DCAF1: variants seen among roughly 807,000 people sequenced by gnomAD.
DCAF1 encodes DDB1- and CUL4-associated factor 1.
A neutral mutation model predicts 128.0 loss-of-function variants in DCAF1; 15 were observed. The observed-to-expected ratio is 0.12, with a 90% CI of 0.08 to 0.18. The LOEUF is 0.18. Among genes scored for constraint, DCAF1 ranks in the 10% least tolerant of loss-of-function variants. The pLI is 1.00. For synonymous variants in DCAF1, 610 were observed against 603.0 expected (o/e 1.01, Z -0.17); for missense variants, 988 against 1,649.5 (o/e 0.60, Z 6.95).
intron 9 of DCAF1, among the ~76,000 whole-genome samples, chr3:51,439,588 C>A (rs558030798): frequency 6.6e-6 from 1 of 152,050 alleles, no homozygotes; most frequent in South Asian, 2.1e-4. Context: ...ATTACAGGTA[C>A]CTGCCATCAT....
intron 6 of DCAF1, among the ~76,000 whole-genome samples, chr3:51,455,623 G>T (rs1702811617): frequency 6.6e-6 from 1 of 151,904 alleles, no homozygotes; most frequent in Non-Finnish European, 1.5e-5. Flanking sequence ...AAAAGGCTGG[G>T]CGCGGTGGCT....
At chr3:51,436,434 T>C (rs781861255) in intron 9 of DCAF1, 1 of 520,128 alleles carries the variant, frequency 1.9e-6, no homozygotes, top group Non-Finnish European at 3.8e-6. Context: ...GAATACGGAA[T>C]TATGACACTG....
At chr3:51,395,936 G>A (rs930777087), downstream of DCAF1, 1 of 413,382 alleles carries the variant, frequency 2.4e-6, no homozygotes, top group South Asian at 1.3e-4. Flanking sequence ...ACAGCTGCCA[G>A]GTACCTAAGC....
At chr3:51,459,258 A>G (rs1553643823) in intron 6 of DCAF1, among the ~76,000 whole-genome samples, 1 of 152,214 alleles carries the variant, frequency 6.6e-6, no homozygotes, top group African/African-American at 2.4e-5. Flanking sequence ...ACGAACTACC[A>G]TCAGAGAATA....
At chr3:51,447,123 T>C (rs1553640433) in intron 6 of DCAF1, among the ~76,000 whole-genome samples, 1 of 151,826 alleles carries the variant, frequency 6.6e-6, no homozygotes, top group Non-Finnish European at 1.5e-5. Context: ...AGTCCTACTA[T>C]GGGCTGGGCA....
chr3:51,401,817 G>A (rs1239361629), intron 24 of DCAF1, among the ~76,000 whole-genome samples: 3 of 152,220 alleles, frequency 2.0e-5, no homozygotes, highest in Non-Finnish European at 4.4e-5. Context: ...TGTTTCCCAT[G>A]TCTCACTATT....
chr3:51,429,897 A>T lies in DCAF1; in HGVS notation c.1467+136T>A. On this transcript the variant is annotated intron_variant, in intron 11 of 24. Transcript: ENST00000684031. ...GAAATTTGTGAAGAAAGGGAAAAAA[A>T]AAAAACTTCACAAAAAGAATGGCAG... is the stretch of plus-strand genomic sequence containing the variant. The T allele has an allele frequency of 5.0e-6, 3 of 597,084 alleles. No individual in the cohort carries two copies. The South Asian group carries it at 6.9e-5, about 14-fold the overall frequency. 37.0% of individuals were successfully genotyped at this position (597,084 alleles called of 1,614,324 possible).
chr3:51,402,233 G>A (rs956483795), intron 24 of DCAF1, among the ~76,000 whole-genome samples: 9 of 152,166 alleles, frequency 5.9e-5, no homozygotes, highest in Non-Finnish European at 1.0e-4. Context: ...GCTGTTAGGA[G>A]GGATTAGCCA....
intron 9 of DCAF1, among the ~76,000 whole-genome samples, chr3:51,439,875 C>T (rs568336731): frequency 6.6e-6 from 1 of 152,016 alleles, no homozygotes; most frequent in African/African-American, 2.4e-5. Flanking sequence ...CACCTGTAAT[C>T]CCAGCTACTC....
chr3:51,480,304 T>C (rs376045870), intron 3 of DCAF1, among the ~76,000 whole-genome samples: 2 of 151,590 alleles, frequency 1.3e-5, no homozygotes, highest in African/African-American at 4.8e-5. Flanking sequence ...CATTAAAAAA[T>C]ACGTTAATCC....
chr3:51,430,686 A>G (rs6779163), intron 10 of DCAF1, among the ~76,000 whole-genome samples: 1 of 152,186 alleles, frequency 6.6e-6, no homozygotes, highest in East Asian at 1.9e-4. Context: ...GGTTTCCTTG[A>G]TATTTTTTTC....
intron 4 of DCAF1, among the ~76,000 whole-genome samples, chr3:51,467,182 A>G (rs1704213775): frequency 6.6e-6 from 1 of 151,964 alleles, no homozygotes; most frequent in Admixed American, 6.6e-5. Flanking sequence ...AAATACAAAA[A>G]TTAGCCAGGT....
At chr3:51,474,161 G>A (rs1419296197) in intron 3 of DCAF1, among the ~76,000 whole-genome samples, 2 of 152,064 alleles carry the variant, frequency 1.3e-5, no homozygotes, top group African/African-American at 4.8e-5. Flanking sequence ...GCTCATGCCT[G>A]TAATCCCAGC....
At chr3:51,409,050 C>T (rs2062349323) in intron 23 of DCAF1, among the ~76,000 whole-genome samples, 1 of 152,184 alleles carries the variant, frequency 6.6e-6, no homozygotes, top group Non-Finnish European at 1.5e-5. Flanking sequence ...TCTTGGCTGT[C>T]ACGCTGAGGC....
In DCAF1 at chr3:51,498,802, A is replaced by G. The variant is rs181337884; in HGVS notation, c.-56+1071T>C. ...CACATCATTAAGAAAAATACTAAATAGATCCTAAAATCTAAATATACACAT... is the reference window on the plus strand; with the variant it reads ...CACATCATTAAGAAAAATACTAAATGGATCCTAAAATCTAAATATACACAT... On this transcript the variant is annotated intron_variant, in intron 1 of 24. Coordinates refer to ENST00000684031, the MANE Select transcript of DCAF1 (RefSeq NM_001387579.1). Among the ~76,000 whole-genome samples, 17 of 152,334 alleles carry G rather than the reference A, an allele frequency of 1.1e-4. 1 individual carries two copies. The East Asian group carries it at 3.1e-3, about 28-fold the overall frequency.
chr3:51,478,890 C>G (rs1705811757), intron 3 of DCAF1, among the ~76,000 whole-genome samples: 1 of 152,046 alleles, frequency 6.6e-6, no homozygotes, highest in Non-Finnish European at 1.5e-5. Context: ...CACATGTTCC[C>G]CATGTATTAA....
downstream of DCAF1, chr3:51,396,733 GCCTCCCTGTTATAGTCCCTGTCT>G (rs1195291668): frequency 6.0e-6 from 1 of 167,092 alleles, no homozygotes; most frequent in African/African-American, 2.4e-5. Flanking sequence ...CCTGAATTCT[GCCTCCCTGTTATAGTCCCTGTCT>G]CCCCCACAGA....
At position 51,398,459 on chromosome 3, in the gene DCAF1, T is replaced by C. The variant is rs2089372438; in HGVS notation, c.*310A>G. On this transcript the variant is annotated 3_prime_UTR_variant, in exon 25 of 25. Coordinates refer to ENST00000684031, the MANE Select transcript of DCAF1 (RefSeq NM_001387579.1). ...AAGAACACTATACAAAGAAAATATA[T>C]TGTGAAATACCCCAGAGACATGGTT... is the stretch of plus-strand genomic sequence containing the variant. The C allele has an allele frequency of 3.6e-6, 1 of 278,982 alleles. No homozygotes were observed. The highest frequency in any genetic ancestry group is 6.7e-6 in the Non-Finnish European group (1 of 148,686). The allele number at this position is 278,982 out of a possible 1,614,324, so 17.3% of individuals were successfully genotyped here.
At chr3:51,478,850 ATC>A (rs1937298357) in intron 3 of DCAF1, among the ~76,000 whole-genome samples, 1 of 152,114 alleles carries the variant, frequency 6.6e-6, no homozygotes, top group South Asian at 2.1e-4. Context: ...GTCAGCAATA[ATC>A]CTGTTCCTTA....
Sources: allele counts gnomAD v4.1 joint callset (sites outside exome capture counted in the v4.1 genomes callset), GRCh38; gene constraint gnomAD v4.1.1; transcripts MANE v1.5; gene names NCBI Gene and HGNC (gene_info 2026-07-23, HGNC 2026-07-21).